The following NYAP2 variants were observed in gnomAD, a reference collection of about 807,000 sequenced individuals.
The protein encoded by NYAP2 is neuronal tyrosine-phosphorylated phosphoinositide-3-kinase adaptor 2.
A neutral mutation model predicts 50.4 loss-of-function variants in NYAP2; 23 were observed. That is an observed-to-expected ratio of 0.46 (90% CI 0.33 to 0.65). The LOEUF is 0.65. NYAP2 is among the 30% of genes least tolerant of loss of function. The pLI is 0.02. For missense variants in NYAP2, 885 were observed against 861.0 expected, an observed-to-expected ratio of 1.03 and a Z score of -0.35; for synonymous variants, 394 against 365.2, an observed-to-expected ratio of 1.08 and a Z score of -0.90.
chr2:225,492,289 C>G (rs1397701645), intron 3 of NYAP2, among the ~76,000 whole-genome samples: 1 of 152,202 alleles, frequency 6.6e-6, no homozygotes. Context: ...AGACTCTACA[C>G]TTGGAATATA....
At chr2:225,592,321 T>C (rs1692521700) in intron 5 of NYAP2, among the ~76,000 whole-genome samples, 1 of 152,106 alleles carries the variant, frequency 6.6e-6, no homozygotes, top group South Asian at 2.1e-4. Flanking sequence ...AAATAGTTGA[T>C]TAATCAAAAA....
intron 3 of NYAP2, among the ~76,000 whole-genome samples, chr2:225,474,304 G>A (rs1458430327): frequency 2.0e-5 from 3 of 152,076 alleles, no homozygotes; most frequent in Non-Finnish European, 4.4e-5. Flanking sequence ...CTCTTTTTTG[G>A]TTCCATATGA....
At chr2:225,476,675 G>A (rs1690113372) in intron 3 of NYAP2, among the ~76,000 whole-genome samples, 1 of 151,988 alleles carries the variant, frequency 6.6e-6, no homozygotes, top group African/African-American at 2.4e-5. Context: ...GATTTCCATT[G>A]TGTAAATACT....
the NYAP2 span, among the ~76,000 whole-genome samples, chr2:225,676,410 C>T: frequency 6.6e-6 from 1 of 152,032 alleles, no homozygotes; most frequent in Non-Finnish European, 1.5e-5. Flanking sequence ...ATAGGGAATC[C>T]TTTCTCCATT....
At chr2:225,638,224 G>C (rs1693459723) in intron 6 of NYAP2, among the ~76,000 whole-genome samples, 1 of 151,092 alleles carries the variant, frequency 6.6e-6, no homozygotes, top group Non-Finnish European at 1.5e-5. Flanking sequence ...GAGAGAGACA[G>C]AGAGAGAGAG....
chr2:225,650,097 G>A (rs1431422470), intron 6 of NYAP2, among the ~76,000 whole-genome samples: 1 of 152,182 alleles, frequency 6.6e-6, no homozygotes, highest in East Asian at 1.9e-4. Context: ...ATGGGTGAGA[G>A]TGTATGAGTC....
At chr2:225,492,693 C>T (rs1178027735) in intron 3 of NYAP2, among the ~76,000 whole-genome samples, 3 of 152,094 alleles carry the variant, frequency 2.0e-5, no homozygotes, top group African/African-American at 7.2e-5. Context: ...AGTGTTTACT[C>T]ATGGTGGAAG....
At chr2:225,526,984 G>T (rs1189303545) in intron 4 of NYAP2, among the ~76,000 whole-genome samples, 1 of 152,108 alleles carries the variant, frequency 6.6e-6, no homozygotes, top group African/African-American at 2.4e-5. Flanking sequence ...CATCTACCAT[G>T]TGTGATCTTT....
At chr2:225,592,440 C>A (rs1272746459) in intron 5 of NYAP2, among the ~76,000 whole-genome samples, 1 of 152,212 alleles carries the variant, frequency 6.6e-6, no homozygotes, top group African/African-American at 2.4e-5. Flanking sequence ...CTTAGCACCA[C>A]CTCTTTACTC....
chr2:225,509,595 A>G (rs1220944109), intron 3 of NYAP2, among the ~76,000 whole-genome samples: 1 of 152,108 alleles, frequency 6.6e-6, no homozygotes, highest in Non-Finnish European at 1.5e-5. Context: ...CCCGTTACCC[A>G]CTACACAAGG....
intron 3 of NYAP2, among the ~76,000 whole-genome samples, chr2:225,470,702 A>C (rs895846932): frequency 8.5e-5 from 13 of 152,312 alleles, no homozygotes; most frequent in Admixed American, 3.9e-4. Flanking sequence ...GTGGTTAAAA[A>C]ACAAAAGCAA....
At chr2:225,528,582 G>T (rs1288641575) in intron 4 of NYAP2, among the ~76,000 whole-genome samples, 1 of 152,220 alleles carries the variant, frequency 6.6e-6, no homozygotes, top group Admixed American at 6.5e-5. Flanking sequence ...ATTAGAGTGT[G>T]CATAAACATC....
chr2:225,530,168 A>C (rs1691229371), intron 4 of NYAP2, among the ~76,000 whole-genome samples: 1 of 152,166 alleles, frequency 6.6e-6, no homozygotes, highest in South Asian at 2.1e-4. Context: ...TCATAGATTT[A>C]ATAGTAATGG....
intron 4 of NYAP2, among the ~76,000 whole-genome samples, chr2:225,543,335 A>G (rs1363100117): frequency 6.6e-6 from 1 of 151,746 alleles, no homozygotes; most frequent in African/African-American, 2.4e-5. Context: ...GTTCTTTAAG[A>G]CACATCTTTA....
At position 225,582,920 on chromosome 2, in the gene NYAP2, C is replaced by A. The variant is rs371568593; in HGVS notation, c.1503C>A (p.Gly501=). The change falls in exon 5 of 7, where the codon GGC becomes GGA. Residue 501 remains glycine (G), a synonymous_variant. Transcript: ENST00000636099. The surrounding 1 kb of genome is among the most constrained non-coding windows in gnomAD (Gnocchi z 7.0). Reference sequence around the variant, plus strand: ...ACACCTACGGGGCAGCCCCGGGTGGCTCCCGGTCCCGGACACCCACGAGCC... The same window carrying A: ...ACACCTACGGGGCAGCCCCGGGTGGATCCCGGTCCCGGACACCCACGAGCC... 2 of 1,612,896 alleles carry A rather than the reference C, an allele frequency of 1.2e-6. No homozygotes were observed.
At chr2:225,652,455 CG>C (rs1693751070) in exon 7 of NYAP2, 1 of 152,084 alleles carries the variant, frequency 6.6e-6, no homozygotes, top group South Asian at 2.1e-4. Flanking sequence ...CTCTGATGTT[CG>C]TTTGGGTACG....
chr2:225,473,328 A>T (rs1393957361), intron 3 of NYAP2, among the ~76,000 whole-genome samples: 1 of 152,222 alleles, frequency 6.6e-6, no homozygotes, highest in African/African-American at 2.4e-5. Flanking sequence ...ATACCCAGTA[A>T]TGGGATGGCT....
chr2:225,681,447 C>T, the NYAP2 span, among the ~76,000 whole-genome samples: 1 of 152,138 alleles, frequency 6.6e-6, no homozygotes. Context: ...ACTGATGTGT[C>T]TAATATCTTA....
At chr2:225,676,711 C>T in the NYAP2 span, among the ~76,000 whole-genome samples, 1 of 152,140 alleles carries the variant, frequency 6.6e-6, no homozygotes, top group Non-Finnish European at 1.5e-5. Context: ...CCACCAGATC[C>T]CTCTCACAAC....
Sources: allele counts gnomAD v4.1 joint callset (sites outside exome capture counted in the v4.1 genomes callset), GRCh38; gene constraint gnomAD v4.1.1; non-coding constraint Gnocchi (gnomAD v3.1); transcripts MANE v1.5; gene names NCBI Gene and HGNC (gene_info 2026-07-23, HGNC 2026-07-21).